The following NOC2L variants were observed in gnomAD, a reference collection of about 807,000 sequenced individuals.
NOC2L encodes the protein nucleolar complex protein 2 homolog.
In NOC2L, 101 loss-of-function variants were observed where a neutral mutation model predicts 94.2. That is an observed-to-expected ratio of 1.07 (90% CI 0.91 to 1.26). NOC2L has a LOEUF of 1.26. NOC2L is among the 50% of genes most tolerant of loss of function. The pLI, the probability that NOC2L is intolerant of heterozygous loss-of-function variation, is 0.00. For synonymous variants in NOC2L, 531 were observed against 413.4 expected (o/e 1.28, Z -3.45); for missense variants, 1,076 against 980.1 (o/e 1.10, Z -1.31).
rs1406873542 is a variant in NOC2L, at chr1:951,983, C to T, written c.1331+17G>A. ...CTCCTGACCCTCCCGCACAACCCTG[C>T]CCACCCCACAACTCACTTGATACAG... On this transcript the variant is annotated intron_variant, in intron 11 of 18. Coordinates refer to ENST00000327044, the MANE Select transcript of NOC2L (RefSeq NM_015658.4). The T allele has an allele frequency of 6.2e-7, 1 of 1,607,614 alleles. No homozygotes were observed. The highest frequency in any genetic ancestry group is 2.2e-5 in the East Asian group (1 of 44,848).
At chr1:951,795 T>G (rs755005756) in intron 11 of NOC2L, among the ~76,000 whole-genome samples, 1 of 152,246 alleles carries the variant, frequency 6.6e-6, no homozygotes, top group Non-Finnish European at 1.5e-5. Context: ...GAGGAGCTCA[T>G]GTCACAGGTG....
At position 946,470 on chromosome 1, in the gene NOC2L, C is replaced by T. The variant is rs751101679; in HGVS notation, c.1735G>A (p.Glu579Lys). ...QVQQLLGKVQ[E>K]NSAYICSRRQ... ...CGGCTGCAGATGTATGCCGAGTTCT[C>T]CTGAACCTTCCCAAGCAGCTGCTGC... The change falls in exon 15 of 19, where the codon GAG becomes AAG. Residue 579 changes from glutamate (E) to lysine (K), a missense_variant. Coordinates refer to ENST00000327044, the MANE Select transcript of NOC2L (RefSeq NM_015658.4). 6.2e-7 allele frequency: 1 copy of T among 1,613,334 alleles called. No individual in the cohort carries two copies. The highest frequency in any genetic ancestry group is 2.2e-5 in the East Asian group (1 of 44,892).
chr1:955,569 T>C (rs565325079), intron 6 of NOC2L, among the ~76,000 whole-genome samples: 259 of 152,326 alleles, frequency 1.7e-3, no homozygotes, highest in African/African-American at 5.9e-3. Context: ...CCAGTCATAG[T>C]GCAGAGATCA....
Position 958,949 on chromosome 1 carries a change from C to T in NOC2L, c.159G>A (p.Pro53=), listed in dbSNP as rs756472128. Residue 53 remains proline (P), a synonymous_variant, in exon 2 of 19, where the codon CCG becomes CCA. Transcript: ENST00000327044. The stretch of plus-strand genomic sequence containing the variant: ...CTAACCTGGCCGAGGGGCTCCCGCC[C>T]GGCTTATCCGGACTCCGGGCAGCCT... ...AREAARSPDK[P]GGSPSASRRK... is the part of the protein sequence containing the mutation. 1.9e-6 allele frequency: 3 copies of T among 1,612,646 alleles called. No homozygotes were observed. The highest frequency in any genetic ancestry group is 2.7e-5 in the African/African-American group (2 of 74,936).
chr1:947,449 C>T (rs969313041), intron 14 of NOC2L, among the ~76,000 whole-genome samples: 1 of 152,252 alleles, frequency 6.6e-6, no homozygotes, highest in African/African-American at 2.4e-5. Context: ...GCAGATCCCT[C>T]CTCCCCACAC....
chr1:954,023 T>G lies in NOC2L; in HGVS notation c.758A>C (p.Tyr253Ser). 1 of 1,606,570 alleles carries G rather than the reference T, an allele frequency of 6.2e-7. No homozygotes were observed. Among genetic ancestry groups the G allele is most frequent in the Middle Eastern group, 1.7e-4 (1 of 6,028 alleles). ...WGKLRVDIKA[Y>S]LGSAIQLVSC... ...TAGCACCTGTATGGCCGAGCCCAGG[T>G]AAGCCTTGATGTCCACACGAAGCTT... is the stretch of plus-strand genomic sequence containing the variant. Residue 253 changes from tyrosine to serine, a missense_variant, in exon 7 of 19, where the codon TAC becomes TCC. Tyr to Ser is a moderately radical substitution (Grantham distance 144). This residue lies in a region of NOC2L where 457 missense variants were observed against 386.0 expected (regional missense o/e 1.18). Coordinates refer to ENST00000327044, the MANE Select transcript of NOC2L (RefSeq NM_015658.4).
At chr1:954,926 G>A (rs1039490168) in intron 6 of NOC2L, among the ~76,000 whole-genome samples, 1 of 152,208 alleles carries the variant, frequency 6.6e-6, no homozygotes, top group Non-Finnish European at 1.5e-5. Flanking sequence ...CTGAAGCATG[G>A]GAAGGACAAA....
chr1:948,730 C>CCCCTGG, intron 12 of NOC2L, 127 bp from the exon 13 acceptor site: 3 of 668,466 alleles, frequency 4.5e-6, no homozygotes, highest in Admixed American at 2.3e-5. Flanking sequence ...CACCCTGGTC[C>CCCCTGG]TCAGGCTTCA....
rs759322501 is a variant in NOC2L, at chr1:944,723, C to A, written c.2221G>T (p.Glu741Ter). ...QLAQGPEDELEDLQLSEDD is the reference protein window; with the variant it reads ...QLAQGPEDEL The stretch of plus-strand genomic sequence containing the variant: ...TCGTCCTCTGAGAGCTGCAGATCCT[C>A]CAGCTCGTCCTCCGGCCCCTGGGCC... Residue 741 changes from glutamate to a stop codon, truncating the protein, a stop_gained, in exon 19 of 19, where the codon GAG becomes TAG. Coordinates refer to ENST00000327044, the MANE Select transcript of NOC2L (RefSeq NM_015658.4). LOFTEE classifies it high-confidence loss of function. 20 of 1,599,582 alleles carry A rather than the reference C, an allele frequency of 1.3e-5. No individual in the cohort carries two copies. The highest frequency in any genetic ancestry group is 1.2e-4 in the Admixed American group (7 of 59,826).
chr1:946,647 C>A, intron 14 of NOC2L, 102 bp from the exon 15 acceptor site: 3 of 1,393,006 alleles, frequency 2.2e-6, no homozygotes, highest in East Asian at 2.3e-5. Flanking sequence ...CGGGGATACC[C>A]CAGGAGGGGA....
At chr1:959,161 T>G in intron 1 of NOC2L, 54 bp downstream of exon 1, 5 of 1,611,866 alleles carry the variant, frequency 3.1e-6, no homozygotes, top group Non-Finnish European at 4.2e-6. Flanking sequence ...AAAAGCCCCC[T>G]TGGATACAGA....
In NOC2L at chr1:952,242, G is replaced by C. The variant is rs931269217; in HGVS notation, c.1192-103C>G. 63 of 1,457,452 alleles carry C rather than the reference G, an allele frequency of 4.3e-5. No homozygotes were observed. The East Asian group carries it at 1.2e-3, about 28-fold the overall frequency. The allele number at this position is 1,457,452 out of a possible 1,614,324, so 90.3% of individuals were successfully genotyped here. ...GGAATCATTTCCTCATCTTGCACAC[G>C]GGGTCTCAACCCATCCACCCTTCCC... On this transcript the variant is annotated intron_variant, in intron 10 of 18. Coordinates refer to ENST00000327044, the MANE Select transcript of NOC2L (RefSeq NM_015658.4).
At position 953,896 on chromosome 1, in the gene NOC2L, G is replaced by A; in HGVS notation, c.778-4C>T. The A allele has an allele frequency of 6.2e-7, 1 of 1,612,720 alleles. No individual in the cohort carries two copies. Among genetic ancestry groups the A allele is most frequent in the South Asian group, 1.1e-5 (1 of 91,072 alleles). On this transcript the variant is annotated splice_polypyrimidine_tract_variant and splice_region_variant and intron_variant, in intron 7 of 18. Transcript: ENST00000327044. The stretch of plus-strand genomic sequence containing the variant: ...TCTCCGACAGACAGGACACCAGCTG[G>A]GGGCAGGAGGGGACAGTGAAGCCCC...
chr1:944,987 G>A (rs1004530230), intron 18 of NOC2L, 70 bp downstream of exon 18: 96 of 1,605,324 alleles, frequency 6.0e-5, no homozygotes, highest in Admixed American at 1.2e-4. Flanking sequence ...CACGCCCCCC[G>A]CCCACGTGGC....
In NOC2L at chr1:953,835, C is replaced by T. The variant is rs772311539; in HGVS notation, c.835G>A (p.Val279Met). 45 of 1,612,984 alleles carry T rather than the reference C, an allele frequency of 2.8e-5. No homozygotes were observed. The highest frequency in any genetic ancestry group is 1.5e-4 in the African/African-American group (11 of 74,934). ...VLAAVLRHIS[V>M]LVPCFLTFPK... ...AAGGTCAGGAAGCAGGGCACCAGCA[C>T]GCTGATGTGCCGCAGCACGGCCGCC... The change falls in exon 8 of 19, where the codon GTG becomes ATG. Residue 279 changes from valine to methionine, a missense_variant. Val to Met is a conservative substitution (Grantham distance 21). Coordinates refer to ENST00000327044, the MANE Select transcript of NOC2L (RefSeq NM_015658.4).
intron 14 of NOC2L, 109 bp downstream of exon 14, chr1:948,022 C>A (rs1289932876): frequency 2.3e-6 from 2 of 853,072 alleles, no homozygotes; most frequent in East Asian, 2.7e-5. Context: ...CAGGTTCCAC[C>A]CCAGTCCCAG....
At chr1:958,843 G>T in intron 2 of NOC2L, 86 bp downstream of exon 2, 1 of 1,421,842 alleles carries the variant, frequency 7.0e-7, no homozygotes, top group Non-Finnish European at 9.9e-7. Context: ...TTAGGCCTTG[G>T]CCCTGAGACC....
chr1:950,978 G>A (rs764778101), intron 12 of NOC2L, 149 bp downstream of exon 12: 29 of 670,134 alleles, frequency 4.3e-5, no homozygotes, highest in Non-Finnish European at 7.4e-5. Context: ...CCCAGCACAC[G>A]GAGGAGCACT....
chr1:956,810 G>T, intron 4 of NOC2L, 84 bp downstream of exon 4: 1 of 1,577,188 alleles, frequency 6.3e-7, no homozygotes. Context: ...CCAGCTGCCC[G>T]CCCCTCGCTG....
Sources: gnomAD v4.1 joint callset for allele counts (sites outside exome capture counted in the v4.1 genomes callset) on GRCh38, gnomAD v4.1.1 for gene constraint, gnomAD v4.1.1 regional missense constraint, MANE v1.5 for transcripts, NCBI Gene and HGNC (gene_info 2026-07-23, HGNC 2026-07-21) for gene names.